Variants in NSUN6 observed in about 807,000 individuals in gnomAD.
NSUN6 encodes the protein NOP2/Sun RNA methyltransferase 6.
A neutral mutation model predicts 58.0 loss-of-function variants in NSUN6; 64 were observed. The ratio of observed to expected loss-of-function variants is 1.10; its 90% CI spans 0.90 to 1.36. The LOEUF is 1.36. NSUN6 is among the 40% of genes most tolerant of loss of function. NSUN6 has a pLI of 0.00. For missense variants in NSUN6, 701 were observed against 550.1 expected, an observed-to-expected ratio of 1.27 and a Z score of -2.74; for synonymous variants, 231 against 193.9, an observed-to-expected ratio of 1.19 and a Z score of -1.59.
chr10:18,642,499 T>G lies in NSUN6; in HGVS notation c.288A>C (p.Leu96Phe). The change falls in exon 3 of 11, where the codon TTA becomes TTC. Residue 96 changes from leucine (L) to phenylalanine (F), a missense_variant. By Grantham distance (22) the Leu-to-Phe change is conservative (BLOSUM62 0). Transcript: ENST00000377304. Reference sequence around the variant, plus strand: ...ACCTGGGTCCAATAACAGGAATAAGTAACACATCTTGAAGGTCTGGATGTT... The same window carrying G: ...ACCTGGGTCCAATAACAGGAATAAGGAACACATCTTGAAGGTCTGGATGTT... The part of the protein sequence containing the change: ...ILQHPDLQDV[L>F]LIPVIGPRKN... The G allele has an allele frequency of 6.5e-7, 1 of 1,543,230 alleles. No homozygotes were observed. The highest frequency in any genetic ancestry group is 9.0e-7 in the Non-Finnish European group (1 of 1,116,506).
At chr10:18,587,593 TTCATC>T (rs1333764469) in intron 7 of NSUN6, among the ~76,000 whole-genome samples, 2 of 151,614 alleles carry the variant, frequency 1.3e-5, no homozygotes, top group Non-Finnish European at 2.9e-5. Context: ...AGGTACCCAG[TTCATC>T]TCACTGGGAC....
At chr10:18,569,419 T>C (rs571687961) in intron 8 of NSUN6, among the ~76,000 whole-genome samples, 1 of 151,338 alleles carries the variant, frequency 6.6e-6, no homozygotes, top group East Asian at 2.0e-4. Flanking sequence ...CCATTGCCCA[T>C]TCCATTCTCA....
rs1447210094 is a variant in NSUN6 at position 18,548,196 on chromosome 10, G to A, written c.1113C>T (p.Ser371=). ...LLKPEGVLVY[S]TCTITLAENE... is the part of the protein sequence containing the mutation. ...TTTCGGCCAGTGTTATAGTGCACGT[G>A]CTATAAACCAGCACACCCTCTGGCT... The change falls in exon 10 of 11, where the codon AGC becomes AGT. Residue 371 remains serine (S), a synonymous_variant. Transcript: ENST00000377304. 1.1e-5 allele frequency: 18 copies of A among 1,612,842 alleles called. No homozygotes were observed. Among genetic ancestry groups the A allele is most frequent in the Non-Finnish European group, 1.5e-5 (18 of 1,179,150 alleles).
intron 4 of NSUN6, 131 bp downstream of exon 4, chr10:18,616,053 T>G: frequency 1.6e-6 from 1 of 611,460 alleles, no homozygotes. Context: ...AAACCCTAAA[T>G]GCAAAGCTGG....
At chr10:18,603,270 A>C (rs2057917606) in intron 6 of NSUN6, among the ~76,000 whole-genome samples, 1 of 152,130 alleles carries the variant, frequency 6.6e-6, no homozygotes, top group Admixed American at 6.5e-5. Flanking sequence ...CAAAAAAATA[A>C]AATACAGAAT....
chr10:18,551,177 C>G (rs1227767755), intron 9 of NSUN6, among the ~76,000 whole-genome samples: 6 of 146,464 alleles, frequency 4.1e-5, no homozygotes, highest in Non-Finnish European at 8.9e-5. Flanking sequence ...TCTACTATTG[C>G]CTGTATATCT....
intron 8 of NSUN6, among the ~76,000 whole-genome samples, chr10:18,580,515 A>T (rs542716489): frequency 1.1e-4 from 16 of 152,284 alleles, no homozygotes; most frequent in Non-Finnish European, 2.2e-4. Flanking sequence ...ACTGGGGGCT[A>T]TCTTCCTCCA....
intron 3 of NSUN6, among the ~76,000 whole-genome samples, chr10:18,630,168 GA>G (rs1405385066): frequency 2.1e-5 from 3 of 140,464 alleles, no homozygotes; most frequent in Non-Finnish European, 4.6e-5. Context: ...GGTACATAAC[GA>G]AATGAAGGCA....
chr10:18,658,624 A>ATG, upstream of NSUN6: 1 of 963,418 alleles, frequency 1.0e-6, no homozygotes, highest in Non-Finnish European at 1.2e-6. Flanking sequence ...TGTTATTATT[A>ATG]TGTGTTATTA....
intron 8 of NSUN6, among the ~76,000 whole-genome samples, chr10:18,572,940 TTTCTCCATTCCATTCCA>T (rs1422832043): frequency 1.3e-5 from 2 of 148,422 alleles, no homozygotes; most frequent in Admixed American, 6.7e-5. Context: ...ATTCCATTCC[TTTCTCCATTCCATTCCA>T]TTCTCCATTC....
intron 7 of NSUN6, among the ~76,000 whole-genome samples, chr10:18,593,747 ACC>A (rs2057467853): frequency 6.6e-6 from 1 of 152,050 alleles, no homozygotes; most frequent in Non-Finnish European, 1.5e-5. Flanking sequence ...TAGGAAAAAT[ACC>A]TAATGCATGT....
chr10:18,624,374 G>C (rs1012579117), intron 3 of NSUN6, among the ~76,000 whole-genome samples: 2 of 151,934 alleles, frequency 1.3e-5, no homozygotes, highest in African/African-American at 2.4e-5. Flanking sequence ...AAGTGACCAA[G>C]ACAGGCCTAA....
Position 18,648,652 on chromosome 10 carries a change from AG to A in NSUN6, c.76-8del. 1 of 1,561,790 alleles carries A rather than the reference AG, an allele frequency of 6.4e-7. No individual in the cohort carries two copies. Among genetic ancestry groups the A allele is most frequent in the Non-Finnish European group, 8.8e-7 (1 of 1,136,956 alleles). On this transcript the variant is annotated splice_region_variant and splice_polypyrimidine_tract_variant and intron_variant, in intron 1 of 10. Coordinates refer to ENST00000377304, the MANE Select transcript of NSUN6 (RefSeq NM_182543.5). ...TACCTAAAGCAGTCACAATCTAAAA[AG>A]AAGTTCATGTTTAAATTTCCTGAGA...
At chr10:18,584,248 G>C (rs1480110711) in intron 8 of NSUN6, among the ~76,000 whole-genome samples, 1 of 152,190 alleles carries the variant, frequency 6.6e-6, no homozygotes, top group Non-Finnish European at 1.5e-5. Context: ...AACTGTGTTA[G>C]ATTAGGCACC....
intron 6 of NSUN6, among the ~76,000 whole-genome samples, chr10:18,608,392 T>C (rs1345245902): frequency 6.6e-6 from 1 of 152,100 alleles, no homozygotes; most frequent in Non-Finnish European, 1.5e-5. Context: ...TCCCAGAACT[T>C]TGGAAGGCCA....
Position 18,634,598 on chromosome 10 carries a change from C to CAA in NSUN6, c.311+7876_311+7877dup, listed in dbSNP as rs35289727. On this transcript the variant is annotated intron_variant, in intron 3 of 10. Transcript: ENST00000377304. ...AACCACATCTCTACTAAAAAAAATA[C>CAA]AAAAAAAAAAAAAATTAGCTGGTCT... 4.6e-3 allele frequency among the ~76,000 whole-genome samples: 625 copies of CAA among 134,540 alleles called. 4 individuals are homozygous for CAA. Among genetic ancestry groups the CAA allele is most frequent in the Non-Finnish European group, 7.1e-3 (434 of 61,386 alleles). The allele number at this position is 134,540 out of a possible 152,430, so 88.3% of individuals were successfully genotyped here.
chr10:18,564,519 TCCATTCCATTCC>T (rs1230620869), intron 8 of NSUN6, among the ~76,000 whole-genome samples: 1 of 151,456 alleles, frequency 6.6e-6, no homozygotes, highest in Non-Finnish European at 1.5e-5. Context: ...CATTCTCCAC[TCCATTCCATTCC>T]CCATTCCATT....
chr10:18,628,085 G>C (rs1276387393), intron 3 of NSUN6, among the ~76,000 whole-genome samples: 1 of 152,102 alleles, frequency 6.6e-6, no homozygotes, highest in East Asian at 1.9e-4. Context: ...TGCCTCAAGT[G>C]GGTCCCTGAC....
Position 18,586,087 on chromosome 10 carries a change from C to A in NSUN6, c.784G>T (p.Val262Phe). The A allele has an allele frequency of 4.5e-6, 7 of 1,569,418 alleles. No homozygotes were observed. Among genetic ancestry groups the A allele is most frequent in the Non-Finnish European group, 6.0e-6 (7 of 1,163,038 alleles). Residue 262 changes from valine (V) to phenylalanine (F), a missense_variant, in exon 8 of 11, where the codon GTT becomes TTT. Physicochemically the swap from Val to Phe is conservative, Grantham distance 50. Coordinates refer to ENST00000377304, the MANE Select transcript of NSUN6 (RefSeq NM_182543.5). ...IAALMHDQGE[V>F]IALDKIFNKV... Reference sequence around the variant, plus strand: ...TTGAAGATTTTATCCAGTGCTATAACTTCTCCCTAAAAAGAAACAAAACAC... The same window carrying A: ...TTGAAGATTTTATCCAGTGCTATAAATTCTCCCTAAAAAGAAACAAAACAC...
Sources: allele counts gnomAD v4.1 joint callset (sites outside exome capture counted in the v4.1 genomes callset), GRCh38; gene constraint gnomAD v4.1.1; transcripts MANE v1.5; gene names NCBI Gene and HGNC (gene_info 2026-07-23, HGNC 2026-07-21).